The following BOC variants were observed in gnomAD, a reference collection of about 807,000 sequenced individuals.
BOC encodes the protein BOC cell adhesion associated, oncogene regulated.
In BOC, 76 loss-of-function variants were observed where a neutral mutation model predicts 112.0. The observed-to-expected ratio is 0.68, with a 90% confidence interval of 0.56 to 0.82. The LOEUF (loss-of-function observed/expected upper bound fraction) is 0.82. BOC is among the 40% of genes least tolerant of loss of function. The pLI, the probability that BOC is intolerant of heterozygous loss-of-function variation, is 0.00. For synonymous variants in BOC, 580 were observed against 599.8 expected (o/e 0.97, Z 0.48); for missense variants, 1,309 against 1,511.7 (o/e 0.87, Z 2.22).
intron 2 of BOC, among the ~76,000 whole-genome samples, chr3:113,244,732 G>T (rs892799885): frequency 6.6e-6 from 1 of 152,150 alleles, no homozygotes; most frequent in Non-Finnish European, 1.5e-5. Context: ...AACAGTAGGA[G>T]ATTTTTATAG....
intron 5 of BOC, chr3:113,270,406 G>T: frequency 5.4e-6 from 1 of 184,888 alleles, no homozygotes. Context: ...TAATTAACTT[G>T]CCCAAGATCA....
chr3:113,236,281 G>GAATATATATATATATAT (rs1943478851), intron 2 of BOC, among the ~76,000 whole-genome samples: 1 of 24,360 alleles, frequency 4.1e-5, no homozygotes, highest in Non-Finnish European at 6.8e-5. Flanking sequence ...TATACCCATG[G>GAATATATATATATATAT]GTATATATAT....
chr3:113,236,309 T>G (rs1223895734), intron 2 of BOC, among the ~76,000 whole-genome samples: 1 of 70,450 alleles, frequency 1.4e-5, no homozygotes, highest in Non-Finnish European at 3.3e-5. Flanking sequence ...TATATATATA[T>G]ATACCCATGG....
intron 2 of BOC, among the ~76,000 whole-genome samples, chr3:113,237,607 A>T (rs1943740445): frequency 1.3e-5 from 2 of 152,248 alleles, no homozygotes; most frequent in African/African-American, 4.8e-5. Flanking sequence ...AAGGCACAGG[A>T]GCATCTGCAG....
At chr3:113,260,028 G>C (rs1457486203) in intron 4 of BOC, among the ~76,000 whole-genome samples, 1 of 152,150 alleles carries the variant, frequency 6.6e-6, no homozygotes, top group Non-Finnish European at 1.5e-5. Context: ...TCCAAGTCTA[G>C]AGTAGGTTCT....
chr3:113,254,645 C>A (rs985169926), intron 4 of BOC, among the ~76,000 whole-genome samples: 14 of 152,190 alleles, frequency 9.2e-5, no homozygotes, highest in Non-Finnish European at 1.8e-4. Context: ...GCATGCACAC[C>A]CACACACACT....
intron 2 of BOC, among the ~76,000 whole-genome samples, chr3:113,225,312 GAATA>G (rs1941488055): frequency 6.6e-6 from 1 of 152,002 alleles, no homozygotes; most frequent in Admixed American, 6.6e-5. Flanking sequence ...CTTCTGTTTG[GAATA>G]AATAGAGAGC....
In BOC at chr3:113,284,546, C is replaced by T. The variant is rs1328084485; in HGVS notation, c.2868C>T (p.His956=). Residue 956 remains histidine, a synonymous_variant, in exon 17 of 20, where the codon CAC becomes CAT. Coordinates refer to ENST00000682979, the MANE Select transcript of BOC (RefSeq NM_001378074.1). ...ACCCGGGCATGAAGCCCCAGCAGCA[C>T]TGCCCAGGCGAGCTTCAGCAGGTAG... is the stretch of plus-strand genomic sequence containing the variant. ...VGYPGMKPQQ[H]CPGELQQQSD... is the part of the protein sequence containing the mutation. The T allele has an allele frequency of 6.2e-7, 1 of 1,613,328 alleles. No individual in the cohort carries two copies. Among genetic ancestry groups the T allele is most frequent in the Non-Finnish European group, 8.5e-7 (1 of 1,179,652 alleles).
At position 113,273,277 on chromosome 3, in the gene BOC, G is replaced by T. The variant is rs757611037; in HGVS notation, c.1170G>T (p.Gln390His). ...SMGPEDEGVY[Q>H]CMAENEVGSA... The stretch of plus-strand genomic sequence containing the variant: ...GGCCTGAGGACGAAGGCGTCTACCA[G>T]TGCATGGCCGAGAACGAGGTTGGGA... Residue 390 changes from glutamine (Q) to histidine (H), a missense_variant, in exon 8 of 20, where the codon CAG becomes CAT. By Grantham distance (24) the Gln-to-His change is conservative. Coordinates refer to ENST00000682979, the MANE Select transcript of BOC (RefSeq NM_001378074.1). 16 of 1,609,218 alleles carry T rather than the reference G, an allele frequency of 9.9e-6. No individual in the cohort carries two copies. Among genetic ancestry groups the T allele is most frequent in the Non-Finnish European group, 1.4e-5 (16 of 1,176,718 alleles).
chr3:113,280,084 T>TC, intron 13 of BOC, 79 bp downstream of exon 13: 1 of 1,404,578 alleles, frequency 7.1e-7, no homozygotes, highest in Non-Finnish European at 9.5e-7. Flanking sequence ...GGGATTAGAC[T>TC]CCCCCGAACA....
At chr3:113,219,613 T>A (rs1940181001) in intron 2 of BOC, among the ~76,000 whole-genome samples, 1 of 152,258 alleles carries the variant, frequency 6.6e-6, no homozygotes, top group Admixed American at 6.5e-5. Context: ...AGCAGAGCTC[T>A]TCTAGCTTCG....
intron 4 of BOC, among the ~76,000 whole-genome samples, chr3:113,254,502 C>A (rs531459381): frequency 6.6e-6 from 1 of 152,202 alleles, no homozygotes; most frequent in African/African-American, 2.4e-5. Context: ...TCTGAAAGCA[C>A]ATTCCTGAGC....
intron 4 of BOC, among the ~76,000 whole-genome samples, chr3:113,264,823 G>C (rs1037327424): frequency 3.3e-5 from 5 of 152,192 alleles, no homozygotes; most frequent in Admixed American, 3.3e-4. Context: ...CACGGGGGGA[G>C]GGGGGATAGA....
intron 1 of BOC, among the ~76,000 whole-genome samples, chr3:113,214,244 C>A (rs1938856618): frequency 1.3e-5 from 2 of 152,176 alleles, no homozygotes; most frequent in Admixed American, 1.3e-4. Context: ...CCAAATGGGT[C>A]CAGAGATTTT....
At chr3:113,255,959 T>C (rs1946184447) in intron 4 of BOC, among the ~76,000 whole-genome samples, 1 of 152,260 alleles carries the variant, frequency 6.6e-6, no homozygotes, top group South Asian at 2.1e-4. Context: ...CATTTAAGTG[T>C]TCCATGACTT....
chr3:113,216,166 G>T, intron 1 of BOC, 21 bp from the exon 2 acceptor site: 1 of 451,046 alleles, frequency 2.2e-6, no homozygotes. Flanking sequence ...CAAAAGATGA[G>T]ATAATTCTCT....
At chr3:113,241,860 G>T (rs1396983404) in intron 2 of BOC, among the ~76,000 whole-genome samples, 1 of 152,094 alleles carries the variant, frequency 6.6e-6, no homozygotes, top group Non-Finnish European at 1.5e-5. Flanking sequence ...CACTGCCTGT[G>T]TTTATCTAAA....
intron 6 of BOC, 57 bp downstream of exon 6, chr3:113,271,001 A>T (rs747160905): frequency 1.2e-6 from 2 of 1,610,188 alleles, no homozygotes; most frequent in South Asian, 2.2e-5. Context: ...AGGGCTCACA[A>T]AGATGGAAAG....
intron 2 of BOC, among the ~76,000 whole-genome samples, chr3:113,224,767 T>A (rs1012970811): frequency 6.6e-5 from 10 of 152,160 alleles, no homozygotes; most frequent in Non-Finnish European, 1.3e-4. Context: ...GAGACCAGCC[T>A]GGCCAACGTG....
Sources: gnomAD v4.1 joint callset for allele counts (sites outside exome capture counted in the v4.1 genomes callset) on GRCh38, gnomAD v4.1.1 for gene constraint, MANE v1.5 for transcripts, NCBI Gene and HGNC (gene_info 2026-07-23, HGNC 2026-07-21) for gene names.